Variants in CNTNAP2 observed in about 807,000 individuals in gnomAD.
CNTNAP2 encodes the protein contactin associated protein 2, also known as contactin-associated protein-like 2.
In CNTNAP2, 98 loss-of-function variants were observed where a neutral mutation model predicts 155.2. The observed-to-expected ratio is 0.63, with a 90% CI of 0.54 to 0.75. The LOEUF is 0.75. Among genes scored for constraint, CNTNAP2 ranks in the 30% least tolerant of loss-of-function variants. The pLI is 0.00. For synonymous variants in CNTNAP2, 651 were observed against 631.2 expected (o/e 1.03, Z -0.47); for missense variants, 1,727 against 1,688.1 (o/e 1.02, Z -0.40).
chr7:148,122,141 A>C (rs1325536297), intron 16 of CNTNAP2, among the ~76,000 whole-genome samples: 5 of 152,108 alleles, frequency 3.3e-5, no homozygotes, highest in Admixed American at 1.3e-4. Flanking sequence ...TCACATCTCC[A>C]TTTTACAAAC....
intron 1 of CNTNAP2, among the ~76,000 whole-genome samples, chr7:146,159,534 G>A (rs1272456588): frequency 6.6e-6 from 1 of 151,982 alleles, no homozygotes; most frequent in Non-Finnish European, 1.5e-5. Flanking sequence ...CAAAATAAAG[G>A]GATGGAGGAA....
intron 3 of CNTNAP2, among the ~76,000 whole-genome samples, chr7:146,931,168 T>C (rs982501816): frequency 4.0e-5 from 6 of 151,748 alleles, no homozygotes; most frequent in East Asian, 1.9e-4. Context: ...TATTCCAAAA[T>C]TGACCACATA....
At chr7:146,401,352 A>AAAAAAAT (rs1212290705) in intron 1 of CNTNAP2, among the ~76,000 whole-genome samples, 1 of 152,152 alleles carries the variant, frequency 6.6e-6, no homozygotes, top group Non-Finnish European at 1.5e-5. Context: ...GGTGGCAGAG[A>AAAAAAAT]AAAAAATAAA....
chr7:146,509,122 G>A (rs1274534753), intron 1 of CNTNAP2, among the ~76,000 whole-genome samples: 1 of 152,166 alleles, frequency 6.6e-6, no homozygotes, highest in Non-Finnish European at 1.5e-5. Context: ...CTGGCCCTCG[G>A]GTATTCGGAT....
chr7:146,853,913 C>A (rs577563436), intron 3 of CNTNAP2, among the ~76,000 whole-genome samples: 1 of 152,078 alleles, frequency 6.6e-6, no homozygotes, highest in Non-Finnish European at 1.5e-5. Flanking sequence ...TGTTTATTAT[C>A]TTAATTTATA....
chr7:146,665,180 C>T (rs7350011), intron 1 of CNTNAP2, among the ~76,000 whole-genome samples: 1 of 152,116 alleles, frequency 6.6e-6, no homozygotes, highest in Admixed American at 6.5e-5. Flanking sequence ...AACTCCTGAC[C>T]TCAGGTGATC....
intron 14 of CNTNAP2, among the ~76,000 whole-genome samples, chr7:147,943,989 A>G (rs1317257752): frequency 6.6e-6 from 1 of 152,134 alleles, no homozygotes; most frequent in Admixed American, 6.6e-5. Flanking sequence ...ACCCCAGTAT[A>G]TCAACAAACA....
intron 13 of CNTNAP2, among the ~76,000 whole-genome samples, chr7:147,660,888 A>G (rs1192637760): frequency 6.6e-6 from 1 of 152,164 alleles, no homozygotes; most frequent in Non-Finnish European, 1.5e-5. Context: ...GTCTTTGTTA[A>G]GGGAGATATG....
intron 1 of CNTNAP2, among the ~76,000 whole-genome samples, chr7:146,509,682 TC>T (rs1203888295): frequency 6.6e-6 from 1 of 152,120 alleles, no homozygotes; most frequent in Non-Finnish European, 1.5e-5. Context: ...AATAGCAGCC[TC>T]TAATTCTCAC....
At chr7:148,383,584 C>G (rs1370968590) in intron 21 of CNTNAP2, 65 bp from the exon 22 acceptor site, 24 of 1,610,214 alleles carry the variant, frequency 1.5e-5, no homozygotes, top group Non-Finnish European at 2.0e-5. Flanking sequence ...CATTCAAAGA[C>G]AGGTATGTTG....
At chr7:147,723,318 G>A (rs1796593279) in intron 13 of CNTNAP2, among the ~76,000 whole-genome samples, 1 of 152,020 alleles carries the variant, frequency 6.6e-6, no homozygotes, top group African/African-American at 2.4e-5. Context: ...GTAGGACCCA[G>A]ACAGCCAAAT....
chr7:148,163,199 A>G (rs1281575168), intron 17 of CNTNAP2, among the ~76,000 whole-genome samples: 1 of 152,174 alleles, frequency 6.6e-6, no homozygotes, highest in East Asian at 1.9e-4. Context: ...CAGGCTTAAA[A>G]GCTATCCAGC....
intron 13 of CNTNAP2, among the ~76,000 whole-genome samples, chr7:147,713,789 T>A (rs1447994228): frequency 6.6e-6 from 1 of 152,186 alleles, no homozygotes; most frequent in African/African-American, 2.4e-5. Flanking sequence ...GCTCAGCATC[T>A]TAGTCATTCT....
intron 3 of CNTNAP2, among the ~76,000 whole-genome samples, chr7:147,033,178 A>ATATATATATG (rs1554427688): frequency 1.5e-3 from 83 of 54,900 alleles, no homozygotes; most frequent in Middle Eastern, 7.6e-3. Context: ...ATATATATAT[A>ATATATATATG]TATATATATA....
chr7:147,820,354 T>C (rs1420120592), intron 13 of CNTNAP2, among the ~76,000 whole-genome samples: 1 of 152,110 alleles, frequency 6.6e-6, no homozygotes, highest in Non-Finnish European at 1.5e-5. Context: ...AATGTGTCTA[T>C]TTTTTCGTTG....
chr7:147,347,443 T>TGC (rs1795889074), intron 9 of CNTNAP2, among the ~76,000 whole-genome samples: 2 of 84,090 alleles, frequency 2.4e-5, no homozygotes, highest in South Asian at 1.1e-3. Flanking sequence ...TATATATGCA[T>TGC]ATATATATAT....
At chr7:147,738,029 A>G (rs6961273) in intron 13 of CNTNAP2, among the ~76,000 whole-genome samples, 49,391 of 152,050 alleles carry the variant, frequency 0.32, 9,706 homozygotes, top group African/African-American at 0.56. Flanking sequence ...ACTGTCCTGC[A>G]CCCACTGTCC....
rs568147349 is a variant in CNTNAP2 at position 146,276,737 on chromosome 7, G to A, written c.97+159764G>A. 2.0e-3 allele frequency among the ~76,000 whole-genome samples: 309 copies of A among 152,274 alleles called. 3 individuals are homozygous for A. The highest frequency in any genetic ancestry group is 7.0e-3 in the African/African-American group (290 of 41,550). On this transcript the variant is annotated intron_variant, in intron 1 of 23. Transcript: ENST00000361727. Reference sequence around the variant, plus strand: ...CCTTGACCACATTTGAATGGACTGAGGTGAAAGAGTATGAAAGCAGGAACT... The same window carrying A: ...CCTTGACCACATTTGAATGGACTGAAGTGAAAGAGTATGAAAGCAGGAACT...
chr7:146,929,917 C>T (rs1013592411), intron 3 of CNTNAP2, among the ~76,000 whole-genome samples: 3 of 152,154 alleles, frequency 2.0e-5, no homozygotes, highest in Admixed American at 6.5e-5. Context: ...CGAACAAAGC[C>T]TCCAAGAAAT....
Sources: gnomAD v4.1 joint callset for allele counts (sites outside exome capture counted in the v4.1 genomes callset) on GRCh38, gnomAD v4.1.1 for gene constraint, MANE v1.5 for transcripts, NCBI Gene and HGNC (gene_info 2026-07-23, HGNC 2026-07-21) for gene names.